Variants in ARHGAP22 observed in about 807,000 individuals in gnomAD.
The protein encoded by ARHGAP22 is rho GTPase-activating protein 22.
In ARHGAP22, 48 loss-of-function variants were observed where a neutral mutation model predicts 59.1. The observed-to-expected ratio is 0.81, with a 90% CI of 0.64 to 1.03. The LOEUF is 1.03. Among genes scored for constraint, ARHGAP22 ranks in the 50% least tolerant of loss-of-function variants. The pLI, the probability that ARHGAP22 is intolerant of heterozygous loss-of-function variation, is 0.00. For synonymous variants in ARHGAP22, 445 were observed against 416.4 expected (o/e 1.07, Z -0.84); for missense variants, 1,015 against 958.7 (o/e 1.06, Z -0.78).
chr10:48,564,208 A>G (rs1163540433), intron 2 of ARHGAP22, among the ~76,000 whole-genome samples: 1 of 152,184 alleles, frequency 6.6e-6, no homozygotes, highest in African/African-American at 2.4e-5. Context: ...ACAAAAATGG[A>G]TGCATAACAA....
intron 1 of ARHGAP22, among the ~76,000 whole-genome samples, chr10:48,617,851 T>G (rs2061142188): frequency 6.6e-6 from 1 of 151,708 alleles, no homozygotes; most frequent in Admixed American, 6.6e-5. Flanking sequence ...AGAGCAGAAA[T>G]AAGTGCAACT....
intron 2 of ARHGAP22, among the ~76,000 whole-genome samples, chr10:48,566,631 CTT>C (rs960456305): frequency 2.3e-4 from 35 of 152,344 alleles, no homozygotes; most frequent in African/African-American, 8.2e-4. Flanking sequence ...TCCAAATGCT[CTT>C]GTTATGATCC....
chr10:48,582,933 A>G lies in ARHGAP22; in HGVS notation c.234+20T>C, dbSNP rs751181774. ...AGCCCTGCCACGATGCCCACGGCACACCGGACATGCACTTCTCACCTGGGG... is the reference window on the plus strand; with the variant it reads ...AGCCCTGCCACGATGCCCACGGCACGCCGGACATGCACTTCTCACCTGGGG... On this transcript the variant is annotated intron_variant, in intron 2 of 9. Transcript: ENST00000249601. The G allele has an allele frequency of 2.5e-6, 4 of 1,613,288 alleles. No homozygotes were observed. The highest frequency in any genetic ancestry group is 2.5e-6 in the Non-Finnish European group (3 of 1,179,380).
At chr10:48,485,594 T>C (rs1049280880) in intron 3 of ARHGAP22, among the ~76,000 whole-genome samples, 4 of 152,238 alleles carry the variant, frequency 2.6e-5, no homozygotes, top group African/African-American at 7.2e-5. Context: ...GAGAAGGCTA[T>C]TCAAATCTCC....
Position 48,479,467 on chromosome 10 carries a change from G to C in ARHGAP22, c.451+169C>G, listed in dbSNP as rs1048752120. Reference sequence around the variant, plus strand: ...AGGAAGTGAGTACACGGCAGCCGTTGGGTGACTCCCGAGGGCTGGCAGTGG... The same window carrying C: ...AGGAAGTGAGTACACGGCAGCCGTTCGGTGACTCCCGAGGGCTGGCAGTGG... On this transcript the variant is annotated intron_variant, in intron 4 of 9. Transcript: ENST00000249601. 1.2e-5 allele frequency: 15 copies of C among 1,234,562 alleles called. No individual in the cohort carries two copies. The African/African-American group carries it at 2.0e-4, about 16-fold the overall frequency. 76.5% of individuals were successfully genotyped at this position (1,234,562 alleles called of 1,614,324 possible).
At chr10:48,513,965 AAG>A (rs1448258083) in intron 3 of ARHGAP22, among the ~76,000 whole-genome samples, 1 of 152,214 alleles carries the variant, frequency 6.6e-6, no homozygotes, top group Non-Finnish European at 1.5e-5. Context: ...AAATTATAAA[AAG>A]AAACAAATAT....
chr10:48,651,561 C>G (rs1328096950), intron 1 of ARHGAP22, among the ~76,000 whole-genome samples: 3 of 151,740 alleles, frequency 2.0e-5, no homozygotes, highest in Non-Finnish European at 4.4e-5. Flanking sequence ...CCTGCACAAC[C>G]CACCCAATCA....
intron 3 of ARHGAP22, among the ~76,000 whole-genome samples, chr10:48,535,559 C>T (rs939586649): frequency 1.3e-5 from 2 of 152,166 alleles, no homozygotes; most frequent in Non-Finnish European, 2.9e-5. Flanking sequence ...GTCATGTGAC[C>T]CTGTCTTACT....
At chr10:48,643,965 T>A (rs2062180622) in intron 1 of ARHGAP22, among the ~76,000 whole-genome samples, 1 of 151,890 alleles carries the variant, frequency 6.6e-6, no homozygotes, top group African/African-American at 2.4e-5. Flanking sequence ...CTAAACGACA[T>A]GGAGAAACTC....
chr10:48,437,509 TATC>T, the ARHGAP22 span: 2 of 152,242 alleles, frequency 1.3e-5, no homozygotes, highest in African/African-American at 4.8e-5. Flanking sequence ...AGATTTTTAT[TATC>T]TTCATAGATT....
intron 1 of ARHGAP22, among the ~76,000 whole-genome samples, chr10:48,598,057 C>T (rs750469441): frequency 3.9e-5 from 6 of 152,254 alleles, no homozygotes; most frequent in Non-Finnish European, 4.4e-5. Context: ...CTGTCTGGGG[C>T]TACAAGACCA....
At chr10:48,538,915 G>A (rs948087653) in intron 3 of ARHGAP22, among the ~76,000 whole-genome samples, 6 of 152,020 alleles carry the variant, frequency 3.9e-5, no homozygotes, top group South Asian at 2.1e-4. Context: ...TAAAACTAAA[G>A]CTCATGATCA....
chr10:48,608,878 A>G (rs1228589053), upstream of ARHGAP22, among the ~76,000 whole-genome samples: 1 of 152,248 alleles, frequency 6.6e-6, no homozygotes, highest in African/African-American at 2.4e-5. Context: ...ACAAGCACTA[A>G]AAACTCATAA....
At chr10:48,522,876 C>T (rs11101368) in intron 3 of ARHGAP22, among the ~76,000 whole-genome samples, 36,810 of 152,158 alleles carry the variant, frequency 0.24, 4,745 homozygotes, top group African/African-American at 0.3. Context: ...ACAGATCATA[C>T]CTCATAGCCA....
chr10:48,478,393 A>G (rs1461066959), intron 4 of ARHGAP22, among the ~76,000 whole-genome samples: 2 of 152,258 alleles, frequency 1.3e-5, no homozygotes, highest in East Asian at 3.8e-4. Flanking sequence ...AAAGGTGGTC[A>G]GGTAGACCAT....
rs141530699 is a variant in ARHGAP22, at chr10:48,486,808, T to C, written c.323-7044A>G. On this transcript the variant is annotated intron_variant, in intron 3 of 9. Transcript: ENST00000249601. ...TATTGGTGATGAATTCTTTCAGCTA[T>C]TGAGTGTGGGAATCATTAATTCATC... 1.6e-3 allele frequency among the ~76,000 whole-genome samples: 237 copies of C among 152,356 alleles called. 1 individual carries two copies. The Middle Eastern group carries it at 0.02, about 13-fold the overall frequency.
chr10:48,432,105 C>T, the ARHGAP22 span, among the ~76,000 whole-genome samples: 1 of 152,176 alleles, frequency 6.6e-6, no homozygotes, highest in African/African-American at 2.4e-5. Context: ...ACTTCTCTGG[C>T]TACAGAGGTT....
chr10:48,502,256 G>A (rs977067848), intron 3 of ARHGAP22, among the ~76,000 whole-genome samples: 1 of 152,188 alleles, frequency 6.6e-6, no homozygotes, highest in African/African-American at 2.4e-5. Context: ...GGGGATCAGT[G>A]TGTGATCTTG....
intron 1 of ARHGAP22, among the ~76,000 whole-genome samples, chr10:48,593,484 T>C (rs545677001): frequency 1.3e-5 from 2 of 152,328 alleles, no homozygotes; most frequent in East Asian, 3.9e-4. Context: ...AATTACTAAA[T>C]TGGCACCACA....
Sources: allele counts gnomAD v4.1 joint callset (sites outside exome capture counted in the v4.1 genomes callset), GRCh38; gene constraint gnomAD v4.1.1; transcripts MANE v1.5; gene names NCBI Gene and HGNC (gene_info 2026-07-23, HGNC 2026-07-21).